The following CYP3A43 variants were observed in gnomAD, a reference collection of about 807,000 sequenced individuals.
CYP3A43 encodes cytochrome P450 family 3 subfamily A member 43.
A neutral mutation model predicts 58.0 loss-of-function variants in CYP3A43; 45 were observed. That is an observed-to-expected ratio of 0.78 (90% CI 0.61 to 0.99). CYP3A43 has a LOEUF of 0.99. Among genes scored for constraint, CYP3A43 ranks in the 50% least tolerant of loss-of-function variants. The probability of loss-of-function intolerance (pLI) is 0.00; values close to 1 mark genes in which losing one functional copy is unlikely to be tolerated. For missense variants in CYP3A43, 593 were observed against 591.9 expected (o/e 1.00, Z -0.02); for synonymous variants, 191 against 201.4 (o/e 0.95, Z 0.44).
intron 12 of CYP3A43, among the ~76,000 whole-genome samples, chr7:99,864,329 C>T (rs1818361565): frequency 6.7e-6 from 1 of 148,892 alleles, no homozygotes; most frequent in Non-Finnish European, 1.5e-5. Flanking sequence ...GACCATTTGA[C>T]CTTATCTTCC....
intron 7 of CYP3A43, among the ~76,000 whole-genome samples, chr7:99,854,159 C>G (rs1351012875): frequency 6.6e-6 from 1 of 152,058 alleles, no homozygotes; most frequent in East Asian, 1.9e-4. Flanking sequence ...TCCCCCGCCC[C>G]CACTACCCTT....
intron 12 of CYP3A43, among the ~76,000 whole-genome samples, chr7:99,864,867 G>A (rs1818385103): frequency 6.7e-6 from 1 of 148,476 alleles, no homozygotes; most frequent in Non-Finnish European, 1.5e-5. Flanking sequence ...TTAAAATAAT[G>A]AGTCACATTA....
chr7:99,864,467 A>G, intron 12 of CYP3A43, among the ~76,000 whole-genome samples: 1 of 148,020 alleles, frequency 6.8e-6, no homozygotes, highest in Non-Finnish European at 1.5e-5. Context: ...TCCCCAAGCC[A>G]CTCTAAGAAA....
At chr7:99,865,833 T>C in intron 12 of CYP3A43, 73 bp from the exon 13 acceptor site, 1 of 1,091,738 alleles carries the variant, frequency 9.2e-7, no homozygotes, top group Non-Finnish European at 1.3e-6. Context: ...CTTGATGTCA[T>C]CTTTTTTATT....
At chr7:99,849,506 G>C (rs1196959784) in intron 6 of CYP3A43, 40 bp from the exon 7 acceptor site, 1 of 1,567,746 alleles carries the variant, frequency 6.4e-7, no homozygotes, top group Non-Finnish European at 8.6e-7. Context: ...GGAAGGTAAA[G>C]AGGTGCTGGT....
chr7:99,841,847 C>T (rs898777953), intron 3 of CYP3A43, among the ~76,000 whole-genome samples: 18 of 152,204 alleles, frequency 1.2e-4, no homozygotes, highest in African/African-American at 4.3e-4. Context: ...CTTACCAGAA[C>T]TTCCCTTGTC....
intron 10 of CYP3A43, among the ~76,000 whole-genome samples, chr7:99,861,333 T>C (rs999704660): frequency 6.6e-6 from 1 of 152,230 alleles, no homozygotes; most frequent in African/African-American, 2.4e-5. Flanking sequence ...ATTAGTCATG[T>C]TTGTTCTCCC....
intron 10 of CYP3A43, among the ~76,000 whole-genome samples, chr7:99,860,576 T>C (rs1818188899): frequency 6.6e-6 from 1 of 152,198 alleles, no homozygotes; most frequent in Non-Finnish European, 1.5e-5. Context: ...TCTGCCCAAA[T>C]TGGAATTCTT....
intron 1 of CYP3A43, among the ~76,000 whole-genome samples, chr7:99,835,363 G>C (rs1254745283): frequency 6.6e-6 from 1 of 152,188 alleles, no homozygotes; most frequent in South Asian, 2.1e-4. Flanking sequence ...CAGATGTTTA[G>C]GACTGCTGCT....
chr7:99,854,506 A>C (rs1040558110), intron 7 of CYP3A43, among the ~76,000 whole-genome samples: 7 of 152,114 alleles, frequency 4.6e-5, no homozygotes, highest in African/African-American at 1.7e-4. Flanking sequence ...CGCCCGGCTG[A>C]TGATATTTTC....
intron 10 of CYP3A43, 110 bp downstream of exon 10, chr7:99,860,100 T>C: frequency 7.6e-7 from 1 of 1,312,224 alleles, no homozygotes; most frequent in East Asian, 2.3e-5. Flanking sequence ...ATCAGTTCTT[T>C]CATTTACACT....
chr7:99,835,025 C>T (rs940210115), intron 1 of CYP3A43, among the ~76,000 whole-genome samples: 3 of 152,128 alleles, frequency 2.0e-5, no homozygotes, highest in Non-Finnish European at 2.9e-5. Context: ...ACCGGCTGAT[C>T]AAAATGCTTA....
intron 4 of CYP3A43, 32 bp from the exon 5 acceptor site, chr7:99,847,456 G>A (rs762287737): frequency 2.5e-5 from 40 of 1,602,978 alleles, no homozygotes; most frequent in South Asian, 1.9e-4. Context: ...TAAAACTTAC[G>A]TAGGACAAAC....
intron 7 of CYP3A43, among the ~76,000 whole-genome samples, chr7:99,850,596 C>T (rs1246313417): frequency 6.6e-6 from 1 of 151,968 alleles, no homozygotes; most frequent in Non-Finnish European, 1.5e-5. Flanking sequence ...GGCCTCAAGC[C>T]ATCTTTCTGC....
At chr7:99,835,389 T>C (rs475262) in intron 1 of CYP3A43, among the ~76,000 whole-genome samples, 7 of 152,236 alleles carry the variant, frequency 4.6e-5, no homozygotes, top group African/African-American at 1.7e-4. Context: ...GCCTCTCGTG[T>C]CAAACCATTG....
At chr7:99,828,447 G>T (rs879379895) in intron 1 of CYP3A43, among the ~76,000 whole-genome samples, 1 of 152,060 alleles carries the variant, frequency 6.6e-6, no homozygotes, top group South Asian at 2.1e-4. Context: ...CCAATCACAA[G>T]GTCAGGAGTT....
In CYP3A43 at chr7:99,865,684, C is replaced by T. The variant is rs558730084; in HGVS notation, c.1417-222C>T. On this transcript the variant is annotated intron_variant, in intron 12 of 12. Transcript: ENST00000354829. ...TCTCAAGCCTGGCACAGAATAGATA[C>T]TCAATAAATATTTTGTTAAATGATG... 1.1e-4 allele frequency among the ~76,000 whole-genome samples: 16 copies of T among 148,784 alleles called. No individual in the cohort carries two copies. The South Asian group carries it at 3.3e-3, about 31-fold the overall frequency.
chr7:99,865,540 A>G (rs918220702), intron 12 of CYP3A43, among the ~76,000 whole-genome samples: 2 of 148,784 alleles, frequency 1.3e-5, no homozygotes, highest in African/African-American at 5.2e-5. Context: ...ATACAAAATT[A>G]ACTTTATATG....
intron 11 of CYP3A43, among the ~76,000 whole-genome samples, chr7:99,863,271 A>T (rs1454067195): frequency 6.6e-6 from 1 of 152,232 alleles, no homozygotes; most frequent in Non-Finnish European, 1.5e-5. Context: ...TTAAAAACAC[A>T]TAACCACAAG....
Sources: allele counts gnomAD v4.1 joint callset (sites outside exome capture counted in the v4.1 genomes callset), GRCh38; gene constraint gnomAD v4.1.1; transcripts MANE v1.5; gene names NCBI Gene and HGNC (gene_info 2026-07-23, HGNC 2026-07-21).